The following KRT7 variants were observed in gnomAD, a reference collection of about 807,000 sequenced individuals.
KRT7 encodes the protein keratin, type II cytoskeletal 7.
Under a neutral mutation model 42.8 loss-of-function variants are expected in KRT7, and 50 were observed. That is an observed-to-expected ratio of 1.17 (90% CI 0.93 to 1.48). KRT7 has a LOEUF of 1.48. Among genes scored for constraint, KRT7 ranks in the 40% most tolerant of loss-of-function variants. The pLI, the probability that KRT7 is intolerant of heterozygous loss-of-function variation, is 0.00. For synonymous variants in KRT7, 268 were observed against 266.3 expected, an observed-to-expected ratio of 1.01 and a Z score of -0.06; for missense variants, 588 against 637.6, an observed-to-expected ratio of 0.92 and a Z score of 0.84.
At chr12:52,247,930 T>G in intron 7 of KRT7, 4 of 557,236 alleles carry the variant, frequency 7.2e-6, no homozygotes, top group East Asian at 3.1e-5. Flanking sequence ...GCCCAAGGCA[T>G]AGGTGGGAAA....
chr12:52,245,843 G>A (rs765333925), intron 7 of KRT7: 10 of 634,164 alleles, frequency 1.6e-5, no homozygotes, highest in Admixed American at 1.5e-4. Flanking sequence ...AAGCTCAGTG[G>A]GCAGGTTGAA....
At chr12:52,248,947 G>T, downstream of KRT7, 1 of 500,442 alleles carries the variant, frequency 2.0e-6, no homozygotes, top group Non-Finnish European at 3.3e-6. Flanking sequence ...GGCTTCATGA[G>T]GCTGGGCAGG....
chr12:52,255,053 C>T (rs1573513), downstream of KRT7, among the ~76,000 whole-genome samples: 37,741 of 152,160 alleles, frequency 0.25, 5,602 homozygotes, highest in East Asian at 0.44. Context: ...GGCGCAGGGC[C>T]GAAGGAGGTG....
At chr12:52,245,669 G>A in intron 7 of KRT7, 37 bp downstream of exon 7, 1 of 1,611,072 alleles carries the variant, frequency 6.2e-7, no homozygotes, top group Non-Finnish European at 8.5e-7. Flanking sequence ...ATGCTTCTAG[G>A]GCTCCGTGGG....
At chr12:52,255,305 G>T (rs534891712), downstream of KRT7, 1 of 456,518 alleles carries the variant, frequency 2.2e-6, no homozygotes, top group African/African-American at 2.0e-5. Context: ...TTCTGTCTCT[G>T]GCCTCCATTC....
downstream of KRT7, among the ~76,000 whole-genome samples, chr12:52,253,948 G>A (rs1047324816): frequency 3.9e-5 from 6 of 152,162 alleles, no homozygotes; most frequent in East Asian, 3.9e-4. Flanking sequence ...CCAGAGTCCT[G>A]AGCCTAGAGG....
chr12:52,245,343 C>T (rs535797700), intron 6 of KRT7, 69 bp from the exon 7 acceptor site: 3 of 1,523,526 alleles, frequency 2.0e-6, no homozygotes, highest in African/African-American at 1.4e-5. Context: ...CCCGGGTGCT[C>T]ACTGCAGGAT....
Position 52,241,519 on chromosome 12 carries a change from G to A in KRT7, c.741G>A (p.Leu247=). The change falls in exon 5 of 9, where the codon CTG becomes CTA. Residue 247 remains leucine (L), a synonymous_variant. Transcript: ENST00000331817. ...QSQISDTSVV[L]SMDNSRSLDL... ...AGATCTCCGACACATCTGTGGTGCT[G>A]TCCATGGACAACAGTCGCTCCCTGG... is the stretch of plus-strand genomic sequence containing the variant. 1.2e-6 allele frequency: 2 copies of A among 1,613,920 alleles called. No individual in the cohort carries two copies. Among genetic ancestry groups the A allele is most frequent in the South Asian group, 2.2e-5 (2 of 91,022 alleles).
downstream of KRT7, chr12:52,252,072 CAA>C (rs767899918): frequency 1.4e-5 from 11 of 807,332 alleles, no homozygotes; most frequent in Non-Finnish European, 2.3e-5. Context: ...ATAGGGAAAG[CAA>C]AGAGACAGAA....
intron 1 of KRT7, among the ~76,000 whole-genome samples, chr12:52,234,143 G>T (rs962356850): frequency 8.1e-6 from 1 of 123,082 alleles, no homozygotes; most frequent in African/African-American, 3.0e-5. Context: ...GGGGGCTCCC[G>T]CCCCTCCCCT....
At chr12:52,243,166 C>A in intron 6 of KRT7, 29 bp downstream of exon 6, 1 of 1,596,086 alleles carries the variant, frequency 6.3e-7, no homozygotes, top group Non-Finnish European at 8.5e-7. Flanking sequence ...GCTTCCCCTG[C>A]TACTTGGGGC....
intron 1 of KRT7, among the ~76,000 whole-genome samples, chr12:52,234,084 A>T (rs1941968362): frequency 8.4e-6 from 1 of 119,664 alleles, no homozygotes. Context: ...GCTGATGCGG[A>T]TGCAGATGCT....
Position 52,243,100 on chromosome 12 carries a change from A to C in KRT7, c.947A>C (p.Gln316Pro). 1.9e-6 allele frequency: 3 copies of C among 1,613,670 alleles called. No individual in the cohort carries two copies. The highest frequency in any genetic ancestry group is 2.5e-6 in the Non-Finnish European group (3 of 1,179,766). Residue 316 changes from glutamine (Q) to proline (P), a missense_variant, in exon 6 of 9, where the codon CAG becomes CCG. Physicochemically the swap from Gln to Pro is moderately conservative, Grantham distance 76 (BLOSUM62 -1). Coordinates refer to ENST00000331817, the MANE Select transcript of KRT7 (RefSeq NM_005556.4). ...NEISEMNRAI[Q>P]RLQAEIDNIK... ...ATTTCAGAGATGAACCGGGCCATCC[A>C]GAGGCTGCAGGCTGAGATCGACAAC...
intron 5 of KRT7, among the ~76,000 whole-genome samples, chr12:52,242,666 A>G (rs2121091298): frequency 6.6e-6 from 1 of 151,888 alleles, no homozygotes; most frequent in South Asian, 2.1e-4. Context: ...CTTCTCCAAG[A>G]CTCACTCTCC....
In KRT7 at chr12:52,243,450, G is replaced by A. The variant is rs142904456; in HGVS notation, c.984+313G>A. ...TTGCACCTGGTTCTGGCTGCAGGGC[G>A]CTGTCCCTGGGAGCTCATCATTCAT... On this transcript the variant is annotated intron_variant, in intron 6 of 8. Transcript: ENST00000331817. 1.3e-4 allele frequency: 38 copies of A among 293,126 alleles called. 1 individual carries two copies. In the Admixed American group the frequency reaches 1.7e-3, roughly 13 times the overall value. 18.2% of individuals were successfully genotyped at this position (293,126 alleles called of 1,614,324 possible).
At chr12:52,254,510 G>C (rs1018163820), downstream of KRT7, 9 of 408,816 alleles carry the variant, frequency 2.2e-5, no homozygotes, top group Admixed American at 2.2e-4. Flanking sequence ...CTGGTATCAT[G>C]CCTTGGTGAA....
chr12:52,238,746 A>C lies in KRT7; in HGVS notation c.664A>C (p.Ile222Leu), dbSNP rs557343119. ...EAKVDALNDE[I>L]NFLRTLNETE... ...CAAGGTGGATGCCCTGAATGATGAG[A>C]TCAACTTCCTCAGGACCCTCAATGA... Residue 222 changes from isoleucine (I) to leucine (L), a missense_variant, in exon 4 of 9, where the codon ATC becomes CTC. Transcript: ENST00000331817. The C allele has an allele frequency of 6.2e-7, 1 of 1,613,310 alleles. No individual in the cohort carries two copies. The highest frequency in any genetic ancestry group is 1.3e-5 in the African/African-American group (1 of 74,996).
At chr12:52,243,508 A>C in intron 6 of KRT7, 2 of 182,800 alleles carry the variant, frequency 1.1e-5, no homozygotes, top group East Asian at 1.5e-4. Flanking sequence ...AGACCTTATA[A>C]TGACTCACAT....
chr12:52,253,061 T>C (rs532265494), downstream of KRT7, among the ~76,000 whole-genome samples: 2 of 152,296 alleles, frequency 1.3e-5, no homozygotes, highest in African/African-American at 4.8e-5. Flanking sequence ...TCAGCGAGAA[T>C]GGAGAACGTT....
Sources: gnomAD v4.1 joint callset for allele counts (sites outside exome capture counted in the v4.1 genomes callset) on GRCh38, gnomAD v4.1.1 for gene constraint, MANE v1.5 for transcripts, NCBI Gene and HGNC (gene_info 2026-07-23, HGNC 2026-07-21) for gene names.